Variants in SHANK2 observed in about 807,000 individuals in gnomAD.
SHANK2 encodes the protein SH3 and multiple ankyrin repeat domains 2.
Under a neutral mutation model 133.7 loss-of-function variants are expected in SHANK2, and 43 were observed. The observed-to-expected ratio is 0.32, with a 90% CI of 0.25 to 0.41. SHANK2 has a LOEUF of 0.41. Among genes scored for constraint, SHANK2 ranks in the 10% least tolerant of loss-of-function variants. SHANK2 has a pLI of 1.00. For missense variants in SHANK2, 1,994 were observed against 2,235.8 expected (o/e 0.89, Z 2.18); for synonymous variants, 1,017 against 952.8 (o/e 1.07, Z -1.24).
At chr11:70,813,177 C>T (rs183592298) in intron 12 of SHANK2, among the ~76,000 whole-genome samples, 94 of 152,192 alleles carry the variant, frequency 6.2e-4, no homozygotes, top group Admixed American at 1.2e-3. Context: ...GATGCATTTC[C>T]GCCCATCTGA....
intron 14 of SHANK2, among the ~76,000 whole-genome samples, chr11:70,740,364 C>T (rs118132458): frequency 2.0e-5 from 3 of 152,188 alleles, no homozygotes; most frequent in Non-Finnish European, 4.4e-5. Context: ...TGTATGTGTT[C>T]GACAAATAAA....
intron 14 of SHANK2, among the ~76,000 whole-genome samples, chr11:70,764,838 T>TCCATCCAC (rs1274710827): frequency 6.7e-6 from 1 of 148,352 alleles, no homozygotes; most frequent in African/African-American, 2.6e-5. Flanking sequence ...CATCCATCCA[T>TCCATCCAC]CCATCCATCC....
intron 14 of SHANK2, among the ~76,000 whole-genome samples, chr11:70,726,276 G>A (rs1555030647): frequency 6.6e-6 from 1 of 152,178 alleles, no homozygotes; most frequent in Non-Finnish European, 1.5e-5. Flanking sequence ...TGGAAGCTGG[G>A]GATAAAGAGC....
rs2059062906 is a variant in SHANK2 at position 70,502,110 on chromosome 11, G to C, written c.2278+96C>G. The C allele has an allele frequency of 3.7e-5, 52 of 1,397,394 alleles. 1 individual carries two copies. The South Asian group carries it at 6.4e-4, about 17-fold the overall frequency. 86.6% of individuals were successfully genotyped at this position (1,397,394 alleles called of 1,614,324 possible). Reference sequence around the variant, plus strand: ...TACAGGGGCAGGAGGGGGGTAGCGAGCAAGCGTGGGGTCATGCACAGCCTG... The same window carrying C: ...TACAGGGGCAGGAGGGGGGTAGCGACCAAGCGTGGGGTCATGCACAGCCTG... On this transcript the variant is annotated intron_variant, in intron 19 of 25. Coordinates refer to ENST00000601538, the MANE Select transcript of SHANK2 (RefSeq NM_012309.5).
chr11:71,225,727 T>C (rs1003212236), intron 1 of SHANK2, among the ~76,000 whole-genome samples: 15 of 152,188 alleles, frequency 9.9e-5, no homozygotes, highest in African/African-American at 3.4e-4. Context: ...CCATGATGAA[T>C]GCTTCCACGA....
chr11:70,579,453 C>T (rs2136216882), intron 17 of SHANK2, among the ~76,000 whole-genome samples: 1 of 152,346 alleles, frequency 6.6e-6, no homozygotes. Context: ...TTGCAGGCCA[C>T]CCCATAAGGC....
intron 2 of SHANK2, among the ~76,000 whole-genome samples, chr11:71,161,712 A>C (rs1196159897): frequency 6.6e-6 from 1 of 152,158 alleles, no homozygotes. Flanking sequence ...ACCAATGTAC[A>C]CCTTACATGT....
At chr11:70,681,810 A>G (rs1555018457) in intron 15 of SHANK2, among the ~76,000 whole-genome samples, 1 of 152,062 alleles carries the variant, frequency 6.6e-6, no homozygotes, top group African/African-American at 2.4e-5. Flanking sequence ...CTTTCTGGAT[A>G]CCAGAGCTCT....
intron 9 of SHANK2, among the ~76,000 whole-genome samples, chr11:71,066,714 T>C (rs1243896515): frequency 6.6e-6 from 1 of 152,110 alleles, no homozygotes; most frequent in Admixed American, 6.5e-5. Context: ...ATAAGGCCTT[T>C]TGGGCAGCCA....
intron 3 of SHANK2, among the ~76,000 whole-genome samples, chr11:71,119,742 T>A (rs1182378361): frequency 2.0e-5 from 3 of 152,166 alleles, no homozygotes; most frequent in African/African-American, 7.2e-5. Context: ...ACATGATGTC[T>A]GATTCAGCAG....
intron 17 of SHANK2, among the ~76,000 whole-genome samples, chr11:70,585,656 C>T (rs1411823923): frequency 6.6e-6 from 1 of 151,842 alleles, no homozygotes; most frequent in Non-Finnish European, 1.5e-5. Context: ...TCTATCCCTC[C>T]ATCCATTCAT....
intron 17 of SHANK2, among the ~76,000 whole-genome samples, chr11:70,577,288 T>TGATTTC (rs2060127849): frequency 1.3e-5 from 2 of 152,182 alleles, no homozygotes; most frequent in Non-Finnish European, 2.9e-5. Flanking sequence ...GCAGGGGCCA[T>TGATTTC]GATTTCTCCA....
intron 12 of SHANK2, 34 bp downstream of exon 12, chr11:70,820,330 G>C (rs900993332): frequency 2.5e-5 from 15 of 597,838 alleles, no homozygotes; most frequent in Non-Finnish European, 4.0e-5. Flanking sequence ...AGCACGTGGC[G>C]GTCTTCCTTC....
At chr11:71,230,204 C>A (rs1555122783) in intron 1 of SHANK2, among the ~76,000 whole-genome samples, 2 of 151,584 alleles carry the variant, frequency 1.3e-5, no homozygotes, top group Non-Finnish European at 2.9e-5. Context: ...GCAGGAGAAT[C>A]ACTTGAACCT....
At chr11:71,124,209 A>G (rs868988547) in intron 3 of SHANK2, among the ~76,000 whole-genome samples, 2 of 72,820 alleles carry the variant, frequency 2.7e-5, no homozygotes, top group African/African-American at 1.5e-4. Context: ...GATGGTGGTG[A>G]TGATGATGGT....
At chr11:70,909,119 G>C (rs973499243) in intron 10 of SHANK2, among the ~76,000 whole-genome samples, 4 of 152,222 alleles carry the variant, frequency 2.6e-5, no homozygotes, top group Non-Finnish European at 1.5e-5. Flanking sequence ...AGAAGGATTT[G>C]CCAATAAAAT....
At chr11:70,846,110 C>T (rs1555063208) in intron 11 of SHANK2, among the ~76,000 whole-genome samples, 1 of 152,088 alleles carries the variant, frequency 6.6e-6, no homozygotes, top group African/African-American at 2.4e-5. Flanking sequence ...GAGTGCGCTT[C>T]CAGTGGGACA....
chr11:71,222,546 G>A (rs1277249081), intron 2 of SHANK2, among the ~76,000 whole-genome samples: 3 of 152,218 alleles, frequency 2.0e-5, no homozygotes, highest in South Asian at 2.1e-4. Context: ...GGACGCAGGC[G>A]CCTTCCAAAG....
At chr11:71,102,501 C>A (rs781895081) in intron 6 of SHANK2, among the ~76,000 whole-genome samples, 12 of 152,194 alleles carry the variant, frequency 7.9e-5, no homozygotes, top group Non-Finnish European at 1.5e-4. Context: ...GCGGCATTTC[C>A]TGAGCTTAGC....
Sources: allele counts gnomAD v4.1 joint callset (sites outside exome capture counted in the v4.1 genomes callset), GRCh38; gene constraint gnomAD v4.1.1; transcripts MANE v1.5; gene names NCBI Gene and HGNC (gene_info 2026-07-23, HGNC 2026-07-21).